Variants in PAM observed in about 807,000 individuals in gnomAD.
PAM encodes peptidylglycine alpha-amidating monooxygenase, also known as peptidyl-glycine alpha-amidating monooxygenase.
In PAM, 72 loss-of-function variants were observed where a neutral mutation model predicts 122.1. That is an observed-to-expected ratio of 0.59 (90% CI 0.49 to 0.72). The LOEUF is 0.72. Ranked by LOEUF, PAM falls within the 30% of genes least tolerant of loss-of-function variation. PAM has a pLI of 0.00. For synonymous variants in PAM, 389 were observed against 404.4 expected (o/e 0.96, Z 0.46); for missense variants, 1,106 against 1,183.7 (o/e 0.93, Z 0.96).
At chr5:102,816,791 T>A (rs1055974346) in intron 1 of PAM, among the ~76,000 whole-genome samples, 16 of 152,152 alleles carry the variant, frequency 1.1e-4, no homozygotes, top group African/African-American at 2.9e-4. Context: ...CTCTTCATGA[T>A]CTTATTCTCT....
At chr5:102,914,690 A>G (rs1439370627) in intron 5 of PAM, among the ~76,000 whole-genome samples, 1 of 152,102 alleles carries the variant, frequency 6.6e-6, no homozygotes, top group Non-Finnish European at 1.5e-5. Context: ...TTTACAGACA[A>G]GAAGCCTGAA....
At chr5:102,886,634 T>G (rs1043242475) in intron 3 of PAM, among the ~76,000 whole-genome samples, 1 of 152,072 alleles carries the variant, frequency 6.6e-6, no homozygotes, top group Admixed American at 6.6e-5. Context: ...ATCACTCTTA[T>G]AGAACCATTA....
In PAM at chr5:103,003,119, C is replaced by A; in HGVS notation, c.1700C>A (p.Ala567Asp). The part of the protein sequence containing the change: ...DTILVIDPNN[A>D]AVLQSSGKNL... ...ATTCTTGTCATAGATCCAAATAATG[C>A]TGCAGTACTCCAGTCCAGTGGAAAA... The change falls in exon 17 of 26, where the codon GCT (alanine) becomes GAT (aspartate). Residue 567 changes from alanine (A) to aspartate (D), a missense_variant. Physicochemically the swap from Ala to Asp is moderately radical, Grantham distance 126. This residue lies in a region of PAM where 103 missense variants were observed against 157.9 expected (regional missense o/e 0.65). Transcript: ENST00000438793. 6.4e-7 allele frequency: 1 copy of A among 1,570,190 alleles called. No homozygotes were observed. Among genetic ancestry groups the A allele is most frequent in the Non-Finnish European group, 8.8e-7 (1 of 1,139,940 alleles).
rs776029956 is a variant in PAM at position 102,926,588 on chromosome 5, T to A, written c.446T>A (p.Val149Asp). 6.4e-7 allele frequency: 1 copy of A among 1,562,686 alleles called. No homozygotes were observed. The highest frequency in any genetic ancestry group is 8.8e-7 in the Non-Finnish European group (1 of 1,133,608). ...TAACTTTTTTGTAAATCTTTAGGTG[T>A]TGGATTCAGAGTTGGAGGAGAGACT... ...NAPPTRLPKG[V>D]GFRVGGETGS... The change falls in exon 7 of 26, where the codon GTT (valine) becomes GAT (aspartate). Residue 149 changes from valine (V) to aspartate (D), a missense_variant. Coordinates refer to ENST00000438793, the MANE Select transcript of PAM (RefSeq NM_001177306.2).
intron 7 of PAM, among the ~76,000 whole-genome samples, chr5:102,943,821 A>G (rs1756090559): frequency 6.6e-6 from 1 of 152,190 alleles, no homozygotes; most frequent in African/African-American, 2.4e-5. Flanking sequence ...ATCTCTGCTT[A>G]AGCAGAGGAA....
In PAM at chr5:102,874,866, G is replaced by A. The variant is rs141663881; in HGVS notation, c.210+7473G>A. Reference sequence around the variant, plus strand: ...ATTCCCATAAAAAGTCTGTGTTCAAGGCATTATTATCCCCACTTTTTATAT... The same window carrying A: ...ATTCCCATAAAAAGTCTGTGTTCAAAGCATTATTATCCCCACTTTTTATAT... On this transcript the variant is annotated intron_variant, in intron 3 of 25. Transcript: ENST00000438793. Among the ~76,000 whole-genome samples the A allele has an allele frequency of 5.5e-3, 844 of 152,138 alleles. 11 individuals carry two copies. Among genetic ancestry groups the A allele is most frequent in the African/African-American group, 0.019 (798 of 41,490 alleles).
chr5:102,879,725 G>T (rs1790364072), intron 3 of PAM, among the ~76,000 whole-genome samples: 1 of 152,130 alleles, frequency 6.6e-6, no homozygotes, highest in African/African-American at 2.4e-5. Context: ...AAATTACCTA[G>T]TCTCAGGTAG....
At chr5:102,861,897 T>C (rs1271866843) in intron 1 of PAM, among the ~76,000 whole-genome samples, 2 of 152,164 alleles carry the variant, frequency 1.3e-5, no homozygotes, top group Non-Finnish European at 2.9e-5. Context: ...AGGCCAGGCA[T>C]GATGGCTCAT....
intron 5 of PAM, among the ~76,000 whole-genome samples, chr5:102,922,205 A>T (rs963038578): frequency 6.6e-6 from 1 of 151,988 alleles, no homozygotes; most frequent in Non-Finnish European, 1.5e-5. Flanking sequence ...ACATACTTGT[A>T]CTCGAAGTCC....
Position 102,924,307 on chromosome 5 carries a change from C to T in PAM, c.357-650C>T, listed in dbSNP as rs540716401. Among the ~76,000 whole-genome samples, 230 of 151,928 alleles carry T rather than the reference C, an allele frequency of 1.5e-3. 1 individual carries two copies. Among genetic ancestry groups the T allele is most frequent in the African/African-American group, 5.3e-3 (221 of 41,422 alleles). On this transcript the variant is annotated intron_variant, in intron 5 of 25. Transcript: ENST00000438793. ...AATTAGCCGGGCATGGTGGTGGGCACCTGTAATCCCAGCTACTCAGGAGGC... is the reference window on the plus strand; with the variant it reads ...AATTAGCCGGGCATGGTGGTGGGCATCTGTAATCCCAGCTACTCAGGAGGC...
chr5:102,988,970 C>CT (rs1213238878), intron 15 of PAM, among the ~76,000 whole-genome samples: 3 of 152,164 alleles, frequency 2.0e-5, no homozygotes, highest in Non-Finnish European at 4.4e-5. Flanking sequence ...TCCCCCCAGT[C>CT]TTTAATGTCC....
chr5:102,879,283 G>A (rs554942618), intron 3 of PAM, among the ~76,000 whole-genome samples: 60 of 152,260 alleles, frequency 3.9e-4, no homozygotes, highest in African/African-American at 1.4e-3. Context: ...TGTTTATAAA[G>A]TCTACAGTAG....
rs1341797583 is a variant in PAM at position 103,006,884 on chromosome 5, C to T, written c.1887C>T (p.His629=). Reference sequence around the variant, plus strand: ...TGCAACCAGGCAGTGACCAGAATCACTTCTGTCAACCCACTGATGTGGCTG... The same window carrying T: ...TGCAACCAGGCAGTGACCAGAATCATTTCTGTCAACCCACTGATGTGGCTG... ...RSMQPGSDQN[H]FCQPTDVAVD... is the part of the protein sequence containing the mutation. Residue 629 remains histidine (H), a synonymous_variant, in exon 19 of 26, where the codon CAC becomes CAT. Coordinates refer to ENST00000438793, the MANE Select transcript of PAM (RefSeq NM_001177306.2). 8 of 1,613,918 alleles carry T rather than the reference C, an allele frequency of 5.0e-6. No individual in the cohort carries two copies. Among genetic ancestry groups the T allele is most frequent in the Non-Finnish European group, 6.8e-6 (8 of 1,179,804 alleles).
intron 3 of PAM, among the ~76,000 whole-genome samples, chr5:102,879,016 C>T (rs1005255278): frequency 1.3e-5 from 2 of 152,080 alleles, no homozygotes; most frequent in African/African-American, 2.4e-5. Flanking sequence ...GCAAGCTCCT[C>T]CTCCCAGGTT....
At chr5:102,961,309 A>C in intron 14 of PAM, 80 bp downstream of exon 14, 2 of 769,324 alleles carry the variant, frequency 2.6e-6, no homozygotes, top group Non-Finnish European at 4.7e-6. Context: ...AGTTACTGAG[A>C]TATTGTATGT....
chr5:102,913,900 G>C lies in PAM; in HGVS notation c.269-34G>C, dbSNP rs766535229. The C allele has an allele frequency of 3.5e-5, 42 of 1,187,544 alleles. No individual in the cohort carries two copies. The East Asian group carries it at 9.8e-4, about 28-fold the overall frequency. 73.6% of individuals were successfully genotyped at this position (1,187,544 alleles called of 1,614,324 possible). ...ACTTTGGTGCACAGAAGTGTAACTT[G>C]TATTCACATACATGTATTATTTTCT... On this transcript the variant is annotated intron_variant, in intron 4 of 25. Transcript: ENST00000438793.
At chr5:102,925,888 C>T (rs2151731597) in intron 6 of PAM, among the ~76,000 whole-genome samples, 1 of 151,984 alleles carries the variant, frequency 6.6e-6, no homozygotes, top group Middle Eastern at 3.4e-3. Context: ...ATTCAGATTC[C>T]AAAAAATCAC....
rs1025494721 is a variant in PAM at position 102,946,732 on chromosome 5, C to CTTGTGTT, written c.527-102_527-96dup. 1.7e-5 allele frequency: 12 copies of CTTGTGTT among 719,510 alleles called. No homozygotes were observed. In the African/African-American group the frequency reaches 2.1e-4, roughly 13 times the overall value. The allele number at this position is 719,510 out of a possible 1,614,324, so 44.6% of individuals were successfully genotyped here. A position where few individuals can be genotyped will look rare whatever the true frequency, so the allele number is the denominator to read the frequency against. On this transcript the variant is annotated intron_variant, in intron 7 of 25. Transcript: ENST00000438793. Reference sequence around the variant, plus strand: ...AAAGAACCATACAGATGAAACATAACTTGTGTTTTAAAATATTTGGTTATA... The same window carrying CTTGTGTT: ...AAAGAACCATACAGATGAAACATAACTTGTGTTTTGTGTTTTAAAATATTTGGTTATA...
chr5:102,994,270 C>T (rs1431999811), intron 16 of PAM, among the ~76,000 whole-genome samples: 3 of 152,062 alleles, frequency 2.0e-5, no homozygotes, highest in Non-Finnish European at 4.4e-5. Flanking sequence ...TTATAAAGTT[C>T]TTCATTATTT....
Sources: gnomAD v4.1 joint callset for allele counts (sites outside exome capture counted in the v4.1 genomes callset) on GRCh38, gnomAD v4.1.1 for gene constraint, gnomAD v4.1.1 regional missense constraint, MANE v1.5 for transcripts, NCBI Gene and HGNC (gene_info 2026-07-23, HGNC 2026-07-21) for gene names.